The following GNAT3 variants were observed in gnomAD, a reference collection of about 807,000 sequenced individuals.
The protein encoded by GNAT3 is G protein subunit alpha transducin 3.
A neutral mutation model predicts 37.7 loss-of-function variants in GNAT3; 31 were observed. The observed-to-expected ratio is 0.82, with a 90% CI of 0.62 to 1.11. The LOEUF is 1.11. Ranked by LOEUF, GNAT3 falls within the 50% of genes most tolerant of loss-of-function variation. GNAT3 has a pLI of 0.00. For missense variants in GNAT3, 437 were observed against 412.5 expected, an observed-to-expected ratio of 1.06 and a Z score of -0.51; for synonymous variants, 138 against 139.8, an observed-to-expected ratio of 0.99 and a Z score of 0.09.
intron 6 of GNAT3, 93 bp downstream of exon 6, chr7:80,462,409 T>G: frequency 6.4e-7 from 1 of 1,556,548 alleles, no homozygotes; most frequent in Non-Finnish European, 8.8e-7. Flanking sequence ...CATAAATCTT[T>G]GGCAAACCTT....
At chr7:80,499,221 C>A (rs1790790248) in intron 1 of GNAT3, among the ~76,000 whole-genome samples, 1 of 152,176 alleles carries the variant, frequency 6.6e-6, no homozygotes, top group Non-Finnish European at 1.5e-5. Context: ...TCCAAAGTTT[C>A]AGATCTGTCT....
At chr7:80,501,946 A>C (rs961167000) in intron 1 of GNAT3, among the ~76,000 whole-genome samples, 14 of 152,006 alleles carry the variant, frequency 9.2e-5, no homozygotes, top group African/African-American at 3.1e-4. Flanking sequence ...ATGAGAAAGA[A>C]TATTGTAGCT....
intron 1 of GNAT3, among the ~76,000 whole-genome samples, chr7:80,496,001 C>T (rs945613532): frequency 9.2e-5 from 14 of 152,170 alleles, no homozygotes; most frequent in Non-Finnish European, 1.3e-4. Flanking sequence ...ATTCTTTAGA[C>T]GTCTGTTTAC....
chr7:80,489,532 GA>G (rs1562728558), intron 2 of GNAT3, among the ~76,000 whole-genome samples: 1 of 151,990 alleles, frequency 6.6e-6, no homozygotes, highest in African/African-American at 2.4e-5. Flanking sequence ...AGCATGGGGG[GA>G]AAAGAGCATA....
chr7:80,460,577 G>A (rs779470006), intron 7 of GNAT3, among the ~76,000 whole-genome samples: 25 of 151,942 alleles, frequency 1.6e-4, no homozygotes, highest in Non-Finnish European at 2.6e-4. Flanking sequence ...GTGAAATCCC[G>A]TCTCTACTAA....
intron 1 of GNAT3, among the ~76,000 whole-genome samples, chr7:80,500,953 C>T (rs1212098817): frequency 6.6e-6 from 1 of 151,436 alleles, no homozygotes; most frequent in African/African-American, 2.4e-5. Context: ...TAATATTTGG[C>T]TTTGGTTTTT....
chr7:80,460,228 T>C (rs1441284492), intron 7 of GNAT3, among the ~76,000 whole-genome samples: 8 of 152,150 alleles, frequency 5.3e-5, no homozygotes, highest in Admixed American at 5.2e-4. Flanking sequence ...AAGAAAATGC[T>C]ACATGTCATA....
At chr7:80,509,857 A>G (rs1444885154) in intron 1 of GNAT3, among the ~76,000 whole-genome samples, 1 of 152,112 alleles carries the variant, frequency 6.6e-6, no homozygotes, top group Non-Finnish European at 1.5e-5. Flanking sequence ...TAAATTGACA[A>G]ATAACATTCC....
At chr7:80,473,331 AT>A (rs1389408695) in intron 5 of GNAT3, among the ~76,000 whole-genome samples, 1 of 152,172 alleles carries the variant, frequency 6.6e-6, no homozygotes, top group Non-Finnish European at 1.5e-5. Flanking sequence ...CTACTTAGAT[AT>A]TATATATAAC....
chr7:80,507,902 G>A (rs776097991), intron 1 of GNAT3, among the ~76,000 whole-genome samples: 12 of 151,744 alleles, frequency 7.9e-5, no homozygotes, highest in Non-Finnish European at 1.2e-4. Context: ...TATTACCTTC[G>A]AAGTAGTTTT....
intron 5 of GNAT3, among the ~76,000 whole-genome samples, chr7:80,465,558 C>T (rs1436429498): frequency 1.3e-5 from 2 of 152,036 alleles, no homozygotes; most frequent in Admixed American, 6.6e-5. Context: ...CGATAGATTC[C>T]GTGGCTATGA....
chr7:80,482,752 C>T lies in GNAT3; in HGVS notation c.304-3754G>A, dbSNP rs574033932. Among the ~76,000 whole-genome samples, 420 of 146,032 alleles carry T rather than the reference C, an allele frequency of 2.9e-3. 1 individual carries two copies. Among genetic ancestry groups the T allele is most frequent in the African/African-American group, 9.8e-3 (384 of 39,240 alleles). The stretch of plus-strand genomic sequence containing the variant: ...TTCACCATGTTGGCCAGGATGGTCT[C>T]GATCTCTTGACCTCATGATCTGCCC... On this transcript the variant is annotated intron_variant, in intron 3 of 7. Coordinates refer to ENST00000398291, the MANE Select transcript of GNAT3 (RefSeq NM_001102386.3).
At chr7:80,459,320 T>C (rs2116131120) in intron 7 of GNAT3, among the ~76,000 whole-genome samples, 1 of 152,310 alleles carries the variant, frequency 6.6e-6, no homozygotes, top group African/African-American at 2.4e-5. Flanking sequence ...GTGAGAATTG[T>C]AGCACTAGAC....
At chr7:80,459,499 A>C (rs1021905167) in intron 7 of GNAT3, among the ~76,000 whole-genome samples, 1 of 152,230 alleles carries the variant, frequency 6.6e-6, no homozygotes, top group Non-Finnish European at 1.5e-5. Context: ...ATAAAAGGCT[A>C]TAGAGAGGTA....
intron 3 of GNAT3, among the ~76,000 whole-genome samples, chr7:80,482,590 T>A (rs1235603778): frequency 1.3e-5 from 2 of 151,888 alleles, no homozygotes; most frequent in Non-Finnish European, 2.9e-5. Flanking sequence ...CTAGGCTCAC[T>A]TCAACCTCCA....
At chr7:80,476,894 G>A (rs898102863) in intron 4 of GNAT3, among the ~76,000 whole-genome samples, 1 of 151,400 alleles carries the variant, frequency 6.6e-6, no homozygotes, top group Middle Eastern at 3.2e-3. Context: ...ATTACTTTTT[G>A]TTTATGTATG....
At chr7:80,497,608 G>GTATATACATATACA in intron 1 of GNAT3, among the ~76,000 whole-genome samples, 1 of 117,772 alleles carries the variant, frequency 8.5e-6, no homozygotes, top group East Asian at 2.5e-4. Context: ...ATACATATAC[G>GTATATACATATACA]TATATACATA....
intron 5 of GNAT3, among the ~76,000 whole-genome samples, chr7:80,474,049 G>A (rs755991931): frequency 2.6e-5 from 4 of 152,124 alleles, no homozygotes; most frequent in Admixed American, 1.3e-4. Context: ...AGCCTGGAAG[G>A]AGGGATGAGG....
chr7:80,467,463 T>A (rs2116148186), intron 5 of GNAT3, among the ~76,000 whole-genome samples: 1 of 152,226 alleles, frequency 6.6e-6, no homozygotes, highest in African/African-American at 2.4e-5. Flanking sequence ...TTGTATTGAT[T>A]CTCTTGGACA....
Sources: gnomAD v4.1 joint callset for allele counts (sites outside exome capture counted in the v4.1 genomes callset) on GRCh38, gnomAD v4.1.1 for gene constraint, MANE v1.5 for transcripts, NCBI Gene and HGNC (gene_info 2026-07-23, HGNC 2026-07-21) for gene names.